Variants in FYB2 observed in about 807,000 individuals in gnomAD.
The protein encoded by FYB2 is FYN-binding protein 2.
FYB2 carries 103 observed loss-of-function variants against 94.1 expected under a neutral mutation model. That is an observed-to-expected ratio of 1.09 (90% CI 0.93 to 1.29). FYB2 has a LOEUF of 1.29. Among genes scored for constraint, FYB2 ranks in the 50% most tolerant of loss-of-function variants. The pLI, the probability that FYB2 is intolerant of heterozygous loss-of-function variation, is 0.00. For missense variants in FYB2, 896 were observed against 841.5 expected (o/e 1.06, Z -0.80); for synonymous variants, 293 against 287.9 (o/e 1.02, Z -0.18).
chr1:56,734,845 A>T (rs1392842996), intron 15 of FYB2, among the ~76,000 whole-genome samples: 1 of 152,008 alleles, frequency 6.6e-6, no homozygotes, highest in East Asian at 1.9e-4. Context: ...TGACCAATAA[A>T]CATATTTTAA....
intron 19 of FYB2, 24 bp downstream of exon 19, chr1:56,719,998 A>G: frequency 6.4e-7 from 1 of 1,568,208 alleles, no homozygotes; most frequent in Non-Finnish European, 8.7e-7. Context: ...CTCATGATTT[A>G]AAGTATAAAA....
At chr1:56,739,302 A>T (rs1644898030) in intron 13 of FYB2, among the ~76,000 whole-genome samples, 1 of 152,086 alleles carries the variant, frequency 6.6e-6, no homozygotes, top group South Asian at 2.1e-4. Flanking sequence ...CTCTCAGAAA[A>T]CATCTAATCT....
rs757594957 is a variant in FYB2, at chr1:56,758,582, G to A, written c.1098+134C>T. 6.0e-4 allele frequency: 396 copies of A among 661,606 alleles called. 1 individual carries two copies. The highest frequency in any genetic ancestry group is 7.9e-4 in the Admixed American group (21 of 26,554). 41.0% of individuals were successfully genotyped at this position (661,606 alleles called of 1,614,324 possible). Reference sequence around the variant, plus strand: ...AAAGTGCAGACTCTTAGAAGCTGGAGTCTGGAAAATCCTCAGAAATAGGAG... The same window carrying A: ...AAAGTGCAGACTCTTAGAAGCTGGAATCTGGAAAATCCTCAGAAATAGGAG... On this transcript the variant is annotated intron_variant, in intron 6 of 19. Coordinates refer to ENST00000343433, the MANE Select transcript of FYB2 (RefSeq NM_001004303.5).
In FYB2 at chr1:56,797,650, TG is replaced by T. The variant is rs1646430545; in HGVS notation, c.10-4848del. On this transcript the variant is annotated intron_variant, in intron 1 of 19. Coordinates refer to ENST00000343433, the MANE Select transcript of FYB2 (RefSeq NM_001004303.5). ...TGGCAGAGGTTCCTGTGCTACGTGGTGGGTAGCAGCATCGATGGATTCACAT... is the reference window on the plus strand; with the variant it reads ...TGGCAGAGGTTCCTGTGCTACGTGGTGGTAGCAGCATCGATGGATTCACAT... Among the ~76,000 whole-genome samples, 9 of 152,306 alleles carry T rather than the reference TG, an allele frequency of 5.9e-5. No homozygotes were observed. The South Asian group carries it at 1.9e-3, about 32-fold the overall frequency.
Position 56,812,871 on chromosome 1 carries a change from C to T in FYB2, c.9+6411G>A, listed in dbSNP as rs537105991. Among the ~76,000 whole-genome samples the T allele has an allele frequency of 2.6e-4, 39 of 152,304 alleles. 1 individual carries two copies. The highest frequency in any genetic ancestry group is 4.7e-4 in the Non-Finnish European group (32 of 68,028). On this transcript the variant is annotated intron_variant, in intron 1 of 19. Transcript: ENST00000343433. Reference sequence around the variant, plus strand: ...AATTCTCTCATTTTATTTGCTGATACGGTTCACTTATTAGTTGCTAGGATT... The same window carrying T: ...AATTCTCTCATTTTATTTGCTGATATGGTTCACTTATTAGTTGCTAGGATT...
At chr1:56,796,711 CA>C (rs1288790325) in intron 1 of FYB2, among the ~76,000 whole-genome samples, 1 of 152,154 alleles carries the variant, frequency 6.6e-6, no homozygotes, top group African/African-American at 2.4e-5. Flanking sequence ...GGCCTCCCCC[CA>C]ACATGCTTTC....
Position 56,792,565 on chromosome 1 carries a change from T to C in FYB2, c.248A>G (p.Gln83Arg), listed in dbSNP as rs374113789. The C allele has an allele frequency of 8.7e-6, 14 of 1,614,050 alleles. No individual in the cohort carries two copies. The highest frequency in any genetic ancestry group is 1.2e-5 in the Non-Finnish European group (14 of 1,180,014). The change falls in exon 2 of 20, where the codon CAG becomes CGG. Residue 83 changes from glutamine to arginine, a missense_variant. By Grantham distance (43) the Gln-to-Arg change is conservative. Transcript: ENST00000343433. The stretch of plus-strand genomic sequence containing the variant: ...AGAACATTTTGGAATTTCACTCTTC[T>C]GAGCCAACTTTATTTTCTGAGGTTG... Reference protein sequence around the residue: ...PLQPQKIKLAQKSEIPKCSNS... With the variant: ...PLQPQKIKLARKSEIPKCSNS...
intron 3 of FYB2, among the ~76,000 whole-genome samples, chr1:56,788,226 T>C (rs1163317058): frequency 6.6e-6 from 1 of 152,218 alleles, no homozygotes; most frequent in African/African-American, 2.4e-5. Flanking sequence ...GCAGTTAAAA[T>C]GAACAAAGAC....
At chr1:56,742,344 G>C in intron 11 of FYB2, 123 bp from the exon 12 acceptor site, 2 of 646,984 alleles carry the variant, frequency 3.1e-6, no homozygotes, top group Non-Finnish European at 4.9e-6. Context: ...TTGTTAAATA[G>C]TTTTTACTGA....
At chr1:56,724,053 T>G (rs1159244560) in intron 16 of FYB2, among the ~76,000 whole-genome samples, 2 of 146,636 alleles carry the variant, frequency 1.4e-5, no homozygotes, top group Non-Finnish European at 3.0e-5. Flanking sequence ...GACTTAGAGA[T>G]ATAACTTTTT....
intron 1 of FYB2, among the ~76,000 whole-genome samples, chr1:56,797,551 T>C (rs1646428045): frequency 6.6e-6 from 1 of 151,930 alleles, no homozygotes; most frequent in Admixed American, 6.6e-5. Context: ...CCAACAGAGG[T>C]GTCCATAGCT....
intron 5 of FYB2, among the ~76,000 whole-genome samples, chr1:56,758,968 G>T (rs771000161): frequency 6.6e-6 from 1 of 152,090 alleles, no homozygotes; most frequent in Non-Finnish European, 1.5e-5. Flanking sequence ...ATTTACAGTC[G>T]ATGAAGCATG....
At chr1:56,744,480 A>C (rs140454887) in intron 9 of FYB2, among the ~76,000 whole-genome samples, 198 of 152,094 alleles carry the variant, frequency 1.3e-3, no homozygotes, top group African/African-American at 4.6e-3. Flanking sequence ...AATGATGCTA[A>C]CACCGAATCA....
At position 56,742,210 on chromosome 1, in the gene FYB2, C is replaced by T; in HGVS notation, c.1555G>A (p.Glu519Lys). Residue 519 changes from glutamate (E) to lysine (K), a missense_variant, in exon 12 of 20, where the codon GAA becomes AAA. Physicochemically the swap from Glu to Lys is moderately conservative, Grantham distance 56. Coordinates refer to ENST00000343433, the MANE Select transcript of FYB2 (RefSeq NM_001004303.5). ...SLASSSEENR[E>K]LYEDVYKTKN... is the part of the protein sequence containing the mutation. ...GTTTTGTAGACATCTTCATACAGTT[C>T]TCTATTTTCTTCTGAAATTAGAAGA... is the stretch of plus-strand genomic sequence containing the variant. The T allele has an allele frequency of 6.3e-7, 1 of 1,595,428 alleles. No individual in the cohort carries two copies. Among genetic ancestry groups the T allele is most frequent in the East Asian group, 2.2e-5 (1 of 44,596 alleles).
intron 16 of FYB2, among the ~76,000 whole-genome samples, chr1:56,725,095 A>G (rs1644557883): frequency 6.6e-6 from 1 of 152,028 alleles, no homozygotes; most frequent in Non-Finnish European, 1.5e-5. Context: ...AAGCAGCCTG[A>G]GGCCTTCACC....
upstream of FYB2, among the ~76,000 whole-genome samples, chr1:56,822,582 A>C (rs2101142926): frequency 6.6e-6 from 1 of 152,324 alleles, no homozygotes; most frequent in South Asian, 2.1e-4. Flanking sequence ...AGCAGAAATC[A>C]GTATTTCCAG....
chr1:56,750,474 T>C (rs1452582296), intron 9 of FYB2, among the ~76,000 whole-genome samples: 2 of 151,968 alleles, frequency 1.3e-5, no homozygotes, highest in African/African-American at 4.8e-5. Context: ...GATCCAACCA[T>C]GGCTAGACTT....
chr1:56,740,651 A>G, intron 13 of FYB2, 46 bp downstream of exon 13: 1 of 1,147,816 alleles, frequency 8.7e-7, no homozygotes, highest in Non-Finnish European at 1.3e-6. Flanking sequence ...TTGTGTATCT[A>G]CCAGGTTAAT....
In FYB2 at chr1:56,751,084, G is replaced by A; in HGVS notation, c.1347C>T (p.Cys449=). The change falls in exon 9 of 20, where the codon TGC becomes TGT. Residue 449 remains cysteine, a synonymous_variant. Coordinates refer to ENST00000343433, the MANE Select transcript of FYB2 (RefSeq NM_001004303.5). The stretch of plus-strand genomic sequence containing the variant: ...GCCTGGCCAGCTTTGGGCCCTCAGG[G>A]CAGGGATTTGTCTGGATGATGTCAA... ...AMIDIIQTNP[C]PEGPKLARHS... is the part of the protein sequence containing the mutation. 2.5e-6 allele frequency: 4 copies of A among 1,612,808 alleles called. No homozygotes were observed. The highest frequency in any genetic ancestry group is 2.2e-5 in the South Asian group (2 of 91,026).
Sources: gnomAD v4.1 joint callset for allele counts (sites outside exome capture counted in the v4.1 genomes callset) on GRCh38, gnomAD v4.1.1 for gene constraint, MANE v1.5 for transcripts, NCBI Gene and HGNC (gene_info 2026-07-23, HGNC 2026-07-21) for gene names.